ANKRD12: variants seen among roughly 807,000 people sequenced by gnomAD.
The protein encoded by ANKRD12 is ankyrin repeat domain 12, also known as ankyrin repeat domain-containing protein 12.
In ANKRD12, 85 loss-of-function variants were observed where a neutral mutation model predicts 183.4. The observed-to-expected ratio is 0.46, with a 90% CI of 0.39 to 0.56. The LOEUF (loss-of-function observed/expected upper bound fraction) is 0.56. ANKRD12 is among the 20% of genes least tolerant of loss of function. ANKRD12 has a pLI of 0.00. For missense variants in ANKRD12, 2,405 were observed against 2,357.1 expected (o/e 1.02, Z -0.42); for synonymous variants, 914 against 800.2 (o/e 1.14, Z -2.40).
At position 9,152,921 on chromosome 18, in the gene ANKRD12, T is replaced by C. The variant is rs182523213; in HGVS notation, c.-52+15956T>C. On this transcript the variant is annotated intron_variant, in intron 1 of 12. Transcript: ENST00000262126. ...TCTTTTACATATTTGTCCTTTTTCT[T>C]TTTGTATGAAATAGACTTATTAGAT... 3.3e-4 allele frequency among the ~76,000 whole-genome samples: 50 copies of C among 152,136 alleles called. No homozygotes were observed. The East Asian group carries it at 9.2e-3, about 28-fold the overall frequency.
At chr18:9,241,965 C>A (rs72939221) in intron 8 of ANKRD12, among the ~76,000 whole-genome samples, 9,573 of 151,264 alleles carry the variant, frequency 0.063, 323 homozygotes, top group Non-Finnish European at 0.079. Flanking sequence ...TTGCGAATAC[C>A]TAAATTAACA....
chr18:9,154,403 TC>T (rs2030070049), intron 1 of ANKRD12, among the ~76,000 whole-genome samples: 2 of 152,124 alleles, frequency 1.3e-5, no homozygotes, highest in East Asian at 1.9e-4. Flanking sequence ...CAGAACGAGA[TC>T]CTGTCTCAAT....
intron 1 of ANKRD12, among the ~76,000 whole-genome samples, chr18:9,157,579 G>GTATATATATATATA (rs1337373504): frequency 1.2e-3 from 139 of 114,142 alleles, no homozygotes; most frequent in African/African-American, 2.6e-3. Flanking sequence ...GTGTGTGTGT[G>GTATATATATATATA]TGTGTGTATA....
intron 1 of ANKRD12, among the ~76,000 whole-genome samples, chr18:9,157,604 T>TATATATATATATATGTA (rs1491418837): frequency 2.2e-4 from 10 of 45,952 alleles, no homozygotes; most frequent in Non-Finnish European, 6.0e-4. Context: ...TATATATGTA[T>TATATATATATATATGTA]TTTTTTTTTT....
chr18:9,257,146 T>C lies in ANKRD12; in HGVS notation c.3879T>C (p.Asp1293=), dbSNP rs1409853168. The change falls in exon 9 of 13, where the codon GAT becomes GAC. Residue 1293 remains aspartate (D), a synonymous_variant. Coordinates refer to ENST00000262126, the MANE Select transcript of ANKRD12 (RefSeq NM_015208.5). ...TSHLRSSSVE[D]VKLIISEGRP... is the part of the protein sequence containing the mutation. ...ATCTTAGGTCATCTTCTGTAGAAGA[T>C]GTTAAACTAATTATAAGCGAGGGGA... 2 of 1,614,166 alleles carry C rather than the reference T, an allele frequency of 1.2e-6. No homozygotes were observed. Among genetic ancestry groups the C allele is most frequent in the Admixed American group, 1.7e-5 (1 of 60,020 alleles).
chr18:9,263,935 T>C (rs762764246), intron 10 of ANKRD12, 47 bp downstream of exon 10: 2 of 1,268,946 alleles, frequency 1.6e-6, no homozygotes, highest in Admixed American at 2.7e-5. Flanking sequence ...AACTGGTTTC[T>C]AGCAATAAAT....
intron 8 of ANKRD12, among the ~76,000 whole-genome samples, chr18:9,244,530 A>G (rs2037843743): frequency 6.6e-6 from 1 of 152,212 alleles, no homozygotes; most frequent in African/African-American, 2.4e-5. Flanking sequence ...GACAGCAACA[A>G]GCAATTGACA....
chr18:9,215,916 C>A (rs185152200), intron 6 of ANKRD12, among the ~76,000 whole-genome samples: 1 of 151,944 alleles, frequency 6.6e-6, no homozygotes, highest in Non-Finnish European at 1.5e-5. Flanking sequence ...GAGTTGAATG[C>A]TTCCAAAACA....
chr18:9,183,110 A>G (rs114091853), intron 2 of ANKRD12, among the ~76,000 whole-genome samples: 1,579 of 152,268 alleles, frequency 0.01, 22 homozygotes, highest in African/African-American at 0.036. Flanking sequence ...TTTGTTGCCC[A>G]TTTGTAGTCA....
At position 9,238,720 on chromosome 18, in the gene ANKRD12, A is replaced by G. The variant is rs377201697; in HGVS notation, c.944-15491A>G. On this transcript the variant is annotated intron_variant, in intron 8 of 12. Coordinates refer to ENST00000262126, the MANE Select transcript of ANKRD12 (RefSeq NM_015208.5). ...CAATTTCAGCTTTCAAAATTTTTGT[A>G]AGTCCATCTTCCAGCTAAACTGAGA... 2.4e-4 allele frequency among the ~76,000 whole-genome samples: 37 copies of G among 152,342 alleles called. No individual in the cohort carries two copies. In the South Asian group the frequency reaches 5.4e-3, roughly 22 times the overall value.
intron 1 of ANKRD12, among the ~76,000 whole-genome samples, chr18:9,171,954 A>G (rs982790823): frequency 3.4e-5 from 5 of 148,426 alleles, no homozygotes; most frequent in Non-Finnish European, 5.9e-5. Context: ...CGGGAGGTGG[A>G]GGTTGCAATG....
intron 8 of ANKRD12, among the ~76,000 whole-genome samples, chr18:9,251,618 AC>A (rs1451927952): frequency 6.6e-6 from 1 of 151,902 alleles, no homozygotes; most frequent in Non-Finnish European, 1.5e-5. Context: ...ACATGGTGAA[AC>A]CCTGTCTCTA....
intron 3 of ANKRD12, among the ~76,000 whole-genome samples, chr18:9,203,124 T>G (rs147423948): frequency 0.02 from 3,116 of 152,324 alleles, 51 homozygotes; most frequent in Admixed American, 0.051. Context: ...TTTCATGAAA[T>G]TTTTGTGGTT....
intron 1 of ANKRD12, among the ~76,000 whole-genome samples, chr18:9,171,950 G>T (rs1486498975): frequency 6.6e-6 from 1 of 151,500 alleles, no homozygotes; most frequent in African/African-American, 2.4e-5. Flanking sequence ...AACCCGGGAG[G>T]TGGAGGTTGC....
In ANKRD12 at chr18:9,285,749, A is replaced by G. The variant is rs1030426164; in HGVS notation, c.*4623A>G. 3 of 152,124 alleles carry G rather than the reference A, an allele frequency of 2.0e-5. No homozygotes were observed. The highest frequency in any genetic ancestry group is 2.9e-5 in the Non-Finnish European group (2 of 68,016). The allele number at this position is 152,124 out of a possible 1,614,324, so 9.4% of individuals were successfully genotyped here. On this transcript the variant is annotated 3_prime_UTR_variant, in exon 13 of 13. Transcript: ENST00000262126. ...CTGTGCTGATTTCCCATCACCATAC[A>G]TTAGTTGTACCTAGCCTTGAACTTC...
At chr18:9,137,725 C>G (rs1372474881) in intron 1 of ANKRD12, 2 of 152,354 alleles carry the variant, frequency 1.3e-5, no homozygotes, top group Non-Finnish European at 2.9e-5. Context: ...ATTGGACAGG[C>G]AGTTCCCGTC....
chr18:9,183,670 T>A (rs1260179883), intron 2 of ANKRD12, among the ~76,000 whole-genome samples: 1 of 141,852 alleles, frequency 7.0e-6, no homozygotes, highest in Non-Finnish European at 1.6e-5. Flanking sequence ...TAAAGATAAT[T>A]TTACTTCTTT....
intron 1 of ANKRD12, among the ~76,000 whole-genome samples, chr18:9,157,910 A>T (rs1481157615): frequency 6.6e-6 from 1 of 152,140 alleles, no homozygotes; most frequent in Non-Finnish European, 1.5e-5. Context: ...TTTAATCATG[A>T]GAAGTCAAAG....
chr18:9,215,725 A>T (rs2036060447), intron 6 of ANKRD12, among the ~76,000 whole-genome samples: 1 of 82,794 alleles, frequency 1.2e-5, no homozygotes, highest in African/African-American at 4.1e-5. Flanking sequence ...TCCTGGAGAA[A>T]ACTGTGTCCA....
Sources: allele counts gnomAD v4.1 joint callset (sites outside exome capture counted in the v4.1 genomes callset), GRCh38; gene constraint gnomAD v4.1.1; transcripts MANE v1.5; gene names NCBI Gene and HGNC (gene_info 2026-07-23, HGNC 2026-07-21).